The following ACOXL variants were observed in gnomAD, a reference collection of about 807,000 sequenced individuals.
ACOXL encodes the protein acyl-CoA oxidase like.
ACOXL carries 70 observed loss-of-function variants against 71.9 expected under a neutral mutation model. The ratio of observed to expected loss-of-function variants is 0.97; its 90% CI spans 0.80 to 1.19. The LOEUF (loss-of-function observed/expected upper bound fraction) is 1.19, where lower values mean the gene tolerates loss of function less well. Among genes scored for constraint, ACOXL ranks in the 50% most tolerant of loss-of-function variants. ACOXL has a pLI of 0.00. For synonymous variants in ACOXL, 253 were observed against 281.6 expected (o/e 0.90, Z 1.02); for missense variants, 703 against 736.3 (o/e 0.95, Z 0.52).
At chr2:110,816,535 A>G (rs34026418) in intron 9 of ACOXL, among the ~76,000 whole-genome samples, 8,104 of 152,210 alleles carry the variant, frequency 0.053, 343 homozygotes, top group African/African-American at 0.11. Context: ...TATCTGGGCA[A>G]TGACTGTTTT....
At chr2:110,778,400 A>G (rs192272628) in intron 2 of ACOXL, among the ~76,000 whole-genome samples, 6 of 152,386 alleles carry the variant, frequency 3.9e-5, no homozygotes, top group Admixed American at 2.6e-4. Context: ...AATAATGCAT[A>G]TCCCAATCTG....
chr2:111,096,465 A>G (rs1287313183), intron 17 of ACOXL, among the ~76,000 whole-genome samples: 1 of 151,228 alleles, frequency 6.6e-6, no homozygotes, highest in Non-Finnish European at 1.5e-5. Flanking sequence ...CTGGTCTTGA[A>G]CTCCTGACCT....
intron 16 of ACOXL, among the ~76,000 whole-genome samples, chr2:111,055,488 G>A (rs1408260971): frequency 6.6e-6 from 1 of 152,240 alleles, no homozygotes; most frequent in Non-Finnish European, 1.5e-5. Flanking sequence ...TCCTTCTGCA[G>A]GTGGCTCTTG....
intron 10 of ACOXL, among the ~76,000 whole-genome samples, chr2:110,897,113 C>A (rs529787325): frequency 6.6e-6 from 1 of 152,154 alleles, no homozygotes; most frequent in East Asian, 1.9e-4. Flanking sequence ...ATAAACAACA[C>A]AATTCTAAAT....
intron 9 of ACOXL, among the ~76,000 whole-genome samples, chr2:110,832,467 A>C (rs986984292): frequency 4.0e-5 from 6 of 150,026 alleles, no homozygotes; most frequent in Non-Finnish European, 8.9e-5. Flanking sequence ...GAACCCGGGA[A>C]GCGGAGCTTG....
chr2:111,078,347 C>T (rs2149961528), intron 16 of ACOXL, among the ~76,000 whole-genome samples: 1 of 152,292 alleles, frequency 6.6e-6, no homozygotes, highest in East Asian at 1.9e-4. Context: ...TCACTGCAAC[C>T]TCTGCCTCCC....
At chr2:110,879,359 G>A (rs1696333584) in intron 10 of ACOXL, among the ~76,000 whole-genome samples, 1 of 152,132 alleles carries the variant, frequency 6.6e-6, no homozygotes, top group South Asian at 2.1e-4. Flanking sequence ...CCGTGCCATG[G>A]AACCTTCAAA....
At chr2:110,966,775 T>C (rs2061949397) in intron 12 of ACOXL, among the ~76,000 whole-genome samples, 1 of 152,222 alleles carries the variant, frequency 6.6e-6, no homozygotes, top group Admixed American at 6.5e-5. Context: ...GTTGGCCCTG[T>C]GCTTCCCCAC....
chr2:110,735,599 A>G (rs1277546547), intron 1 of ACOXL, among the ~76,000 whole-genome samples: 1 of 152,182 alleles, frequency 6.6e-6, no homozygotes, highest in Non-Finnish European at 1.5e-5. Context: ...CCCAGGGGCA[A>G]TGTAGGCACA....
intron 11 of ACOXL, among the ~76,000 whole-genome samples, chr2:110,931,143 A>G (rs2060466161): frequency 6.6e-6 from 1 of 152,180 alleles, no homozygotes; most frequent in African/African-American, 2.4e-5. Flanking sequence ...TTCTTAAGAC[A>G]TACTCCTCCT....
intron 14 of ACOXL, among the ~76,000 whole-genome samples, chr2:111,024,732 T>C (rs1485297856): frequency 6.6e-6 from 1 of 151,978 alleles, no homozygotes. Flanking sequence ...GGTATCTTGT[T>C]ATCAGGAAAA....
At chr2:110,929,107 G>A (rs2060388615) in intron 11 of ACOXL, among the ~76,000 whole-genome samples, 1 of 152,196 alleles carries the variant, frequency 6.6e-6, no homozygotes, top group Non-Finnish European at 1.5e-5. Flanking sequence ...CTGGGTAATA[G>A]GTAGAGGTTG....
At chr2:111,094,933 G>C (rs2068725752) in intron 17 of ACOXL, among the ~76,000 whole-genome samples, 1 of 152,106 alleles carries the variant, frequency 6.6e-6, no homozygotes, top group Non-Finnish European at 1.5e-5. Flanking sequence ...GTAGTTTCAG[G>C]GTGGTCGAAT....
At chr2:110,926,954 AT>A (rs2060294926) in intron 11 of ACOXL, among the ~76,000 whole-genome samples, 1 of 152,060 alleles carries the variant, frequency 6.6e-6, no homozygotes, top group African/African-American at 2.4e-5. Flanking sequence ...ACTGGGTTAT[AT>A]TAGTTTGTTC....
intron 1 of ACOXL, among the ~76,000 whole-genome samples, 156 bp from the exon 2 acceptor site, chr2:110,768,212 T>C (rs182206613): frequency 9.2e-5 from 14 of 152,272 alleles, no homozygotes; most frequent in Admixed American, 2.6e-4. Context: ...CTGGCTGTAT[T>C]GAACACCCAG....
At chr2:110,890,963 C>A (rs1023941630) in intron 10 of ACOXL, among the ~76,000 whole-genome samples, 1 of 151,136 alleles carries the variant, frequency 6.6e-6, no homozygotes, top group African/African-American at 2.4e-5. Context: ...TTTCTTTCAA[C>A]TTTTTTTTTG....
chr2:110,786,041 A>G (rs1360033044), intron 3 of ACOXL, among the ~76,000 whole-genome samples: 1 of 152,186 alleles, frequency 6.6e-6, no homozygotes, highest in African/African-American at 2.4e-5. Context: ...AAGGCGAACA[A>G]AATAGCTCAG....
At chr2:110,783,374 A>G (rs1683570127) in intron 2 of ACOXL, among the ~76,000 whole-genome samples, 1 of 152,172 alleles carries the variant, frequency 6.6e-6, no homozygotes, top group Non-Finnish European at 1.5e-5. Flanking sequence ...AAGCCTGGAG[A>G]TATTTTAGGA....
chr2:110,830,336 C>A (rs1034684772), intron 9 of ACOXL, among the ~76,000 whole-genome samples: 2 of 152,070 alleles, frequency 1.3e-5, no homozygotes, highest in African/African-American at 4.8e-5. Context: ...ACATATTGTA[C>A]GCATCTACAT....
Sources: gnomAD v4.1 joint callset for allele counts (sites outside exome capture counted in the v4.1 genomes callset) on GRCh38, gnomAD v4.1.1 for gene constraint, MANE v1.5 for transcripts, NCBI Gene and HGNC (gene_info 2026-07-23, HGNC 2026-07-21) for gene names.